The following AP2A1 variants were observed in gnomAD, a reference collection of about 807,000 sequenced individuals.
AP2A1 encodes the protein adaptor related protein complex 2 subunit alpha 1.
A neutral mutation model predicts 107.3 loss-of-function variants in AP2A1; 21 were observed. The observed-to-expected ratio is 0.20, with a 90% confidence interval of 0.14 to 0.28. The LOEUF is 0.28. Among genes scored for constraint, AP2A1 ranks in the 10% least tolerant of loss-of-function variants. The pLI is 1.00. For missense variants in AP2A1, 873 were observed against 1,307.7 expected, an observed-to-expected ratio of 0.67 and a Z score of 5.13; for synonymous variants, 602 against 564.8, an observed-to-expected ratio of 1.07 and a Z score of -0.93.
In AP2A1 at chr19:49,798,822, C is replaced by A. The variant is rs1188956541; in HGVS notation, c.835C>A (p.Arg279=). The change falls in exon 8 of 23, where the codon CGG becomes AGG. Residue 279 remains arginine, a synonymous_variant. Transcript: ENST00000354293. ...CCCAGAGGATGCGGCTGTGAAGGGGCGGCTGGTGGAATGTCTGGAGACTGT... is the reference window on the plus strand; with the variant it reads ...CCCAGAGGATGCGGCTGTGAAGGGGAGGCTGGTGGAATGTCTGGAGACTGT... The part of the protein sequence containing the change: ...PPPEDAAVKG[R]LVECLETVLN... The A allele has an allele frequency of 1.2e-6, 2 of 1,603,662 alleles. No individual in the cohort carries two copies. Among genetic ancestry groups the A allele is most frequent in the Admixed American group, 1.7e-5 (1 of 58,490 alleles).
intron 1 of AP2A1, among the ~76,000 whole-genome samples, chr19:49,780,236 T>A (rs1019663592): frequency 6.6e-5 from 10 of 152,224 alleles, no homozygotes; most frequent in African/African-American, 2.4e-4. Flanking sequence ...GAAATAAAAT[T>A]GTGACATGGT....
In AP2A1 at chr19:49,798,697, C is replaced by T. The variant is rs548466625; in HGVS notation, c.815-105C>T. On this transcript the variant is annotated intron_variant, in intron 7 of 22. Transcript: ENST00000354293. ...GAATTCTCGAGTGTCAGAGGCACCCCGAGCTCCTCCTTTGGAAGACAGGAG... is the reference window on the plus strand; with the variant it reads ...GAATTCTCGAGTGTCAGAGGCACCCTGAGCTCCTCCTTTGGAAGACAGGAG... 3.7e-5 allele frequency: 54 copies of T among 1,443,372 alleles called. No individual in the cohort carries two copies. The African/African-American group carries it at 4.0e-4, about 11-fold the overall frequency. The allele number at this position is 1,443,372 out of a possible 1,614,324, so 89.4% of individuals were successfully genotyped here.
intron 4 of AP2A1, among the ~76,000 whole-genome samples, chr19:49,783,575 A>G (rs1442488086): frequency 2.6e-5 from 4 of 152,184 alleles, no homozygotes; most frequent in Non-Finnish European, 4.4e-5. Flanking sequence ...AGGAAAGACA[A>G]TATTATTTAA....
chr19:49,782,948 G>A (rs914787643), intron 4 of AP2A1, among the ~76,000 whole-genome samples: 1 of 152,262 alleles, frequency 6.6e-6, no homozygotes, highest in African/African-American at 2.4e-5. Flanking sequence ...CAAAGCCAGT[G>A]GGGTGTTTCT....
At position 49,806,837 on chromosome 19, in the gene AP2A1, C is replaced by G. The variant is rs754534856; in HGVS notation, c.*79C>G. 1 of 1,600,512 alleles carries G rather than the reference C, an allele frequency of 6.2e-7. No individual in the cohort carries two copies. The highest frequency in any genetic ancestry group is 1.3e-5 in the African/African-American group (1 of 74,444). ...GAGGCAGTTTTGGTGGATGGGGGAC[C>G]TCCACTGGTGACAGAGAAGACACCA... On this transcript the variant is annotated 3_prime_UTR_variant, in exon 23 of 23. Coordinates refer to ENST00000354293, the MANE Select transcript of AP2A1 (RefSeq NM_130787.3).
intron 4 of AP2A1, among the ~76,000 whole-genome samples, chr19:49,786,863 G>C (rs2123705774): frequency 6.6e-6 from 1 of 152,312 alleles, no homozygotes; most frequent in East Asian, 1.9e-4. Flanking sequence ...TGTCCCTGGA[G>C]TGGATGCCGA....
At chr19:49,769,265 A>G (rs2123655564) in intron 1 of AP2A1, among the ~76,000 whole-genome samples, 1 of 151,322 alleles carries the variant, frequency 6.6e-6, no homozygotes, top group East Asian at 1.9e-4. Context: ...AAATAAAAAA[A>G]AAGAAAAAGA....
chr19:49,790,737 T>C (rs2073131516), intron 4 of AP2A1, among the ~76,000 whole-genome samples: 1 of 152,196 alleles, frequency 6.6e-6, no homozygotes, highest in African/African-American at 2.4e-5. Context: ...CAAAAGAGCC[T>C]TGCAAAGTCT....
chr19:49,802,323 C>T, intron 15 of AP2A1, 182 bp downstream of exon 15: 1 of 820,596 alleles, frequency 1.2e-6, no homozygotes, highest in Non-Finnish European at 2.0e-6. Flanking sequence ...TCACGCCCTC[C>T]CTCTGCCACT....
At chr19:49,799,077 T>C in intron 8 of AP2A1, 125 bp downstream of exon 8, 2 of 1,361,604 alleles carry the variant, frequency 1.5e-6, no homozygotes, top group Non-Finnish European at 2.0e-6. Flanking sequence ...AGGAGGAGGA[T>C]GGGGCTGTGA....
At chr19:49,801,364 C>T (rs773189054) in intron 12 of AP2A1, 26 bp from the exon 13 acceptor site, 14 of 1,599,522 alleles carry the variant, frequency 8.8e-6, no homozygotes, top group African/African-American at 1.3e-5. Flanking sequence ...GAACCTGGCC[C>T]CGCTGACACC....
chr19:49,799,539 G>C (rs537436621), intron 9 of AP2A1, 44 bp downstream of exon 9: 1 of 1,604,532 alleles, frequency 6.2e-7, no homozygotes, highest in South Asian at 1.1e-5. Context: ...ACCCCCCTCA[G>C]AAAGACCAGA....
intron 1 of AP2A1, among the ~76,000 whole-genome samples, chr19:49,776,479 T>C (rs754300390): frequency 2.0e-5 from 3 of 152,322 alleles, no homozygotes; most frequent in Non-Finnish European, 4.4e-5. Flanking sequence ...ACTGTCCCTG[T>C]CTGCCACCAC....
chr19:49,799,069 G>A, intron 8 of AP2A1, 117 bp downstream of exon 8: 1 of 1,388,590 alleles, frequency 7.2e-7, no homozygotes, highest in South Asian at 1.4e-5. Flanking sequence ...GGTAGGGTAG[G>A]AGGAGGATGG....
chr19:49,794,462 A>T (rs1291725159), intron 6 of AP2A1, among the ~76,000 whole-genome samples: 1 of 152,082 alleles, frequency 6.6e-6, no homozygotes, highest in Non-Finnish European at 1.5e-5. Flanking sequence ...TCAGCCTCCG[A>T]AAGTGCTGGG....
At chr19:49,801,917 G>C in intron 14 of AP2A1, 28 bp downstream of exon 14, 1 of 1,459,508 alleles carries the variant, frequency 6.9e-7, no homozygotes, top group Non-Finnish European at 9.0e-7. Context: ...GGCCCTGCCA[G>C]GGTGCCTGGG....
intron 1 of AP2A1, among the ~76,000 whole-genome samples, chr19:49,770,751 A>C (rs2084548013): frequency 6.6e-6 from 1 of 152,224 alleles, no homozygotes; most frequent in Admixed American, 6.5e-5. Context: ...TTCCATGTTG[A>C]TAGAGTATCT....
At chr19:49,787,326 C>CTTTTT (rs201187935) in intron 4 of AP2A1, among the ~76,000 whole-genome samples, 16 of 116,786 alleles carry the variant, frequency 1.4e-4, no homozygotes, top group African/African-American at 3.7e-4. Context: ...CCCATCTAGG[C>CTTTTT]TTTTTTTGTT....
At chr19:49,790,927 C>T (rs1270844999) in intron 4 of AP2A1, among the ~76,000 whole-genome samples, 1 of 152,232 alleles carries the variant, frequency 6.6e-6, no homozygotes, top group Non-Finnish European at 1.5e-5. Context: ...GTTAACATCA[C>T]GCTGATTCTC....
Sources: allele counts gnomAD v4.1 joint callset (sites outside exome capture counted in the v4.1 genomes callset), GRCh38; gene constraint gnomAD v4.1.1; transcripts MANE v1.5; gene names NCBI Gene and HGNC (gene_info 2026-07-23, HGNC 2026-07-21).